The following PCDH17 variants were observed in gnomAD, a reference collection of about 807,000 sequenced individuals.
PCDH17 encodes the protein protocadherin-17.
PCDH17 carries 21 observed loss-of-function variants against 67.7 expected under a neutral mutation model. That is an observed-to-expected ratio of 0.31 (90% CI 0.22 to 0.45). PCDH17 has a LOEUF of 0.45. Among genes scored for constraint, PCDH17 ranks in the 20% least tolerant of loss-of-function variants. PCDH17 has a pLI of 1.00. For synonymous variants in PCDH17, 701 were observed against 656.7 expected (o/e 1.07, Z -1.03); for missense variants, 1,471 against 1,564.8 (o/e 0.94, Z 1.01).
rs531448274 is a variant in PCDH17 at position 57,670,579 on chromosome 13, TA to T, written c.2797+3747del. ...TTAGAATATAATTTAAAAATATATA[TA>T]TTTTTTCCAATTTAAATGATCTCAT... On this transcript the variant is annotated intron_variant, in intron 3 of 3. Transcript: ENST00000377918. 2.2e-3 allele frequency among the ~76,000 whole-genome samples: 331 copies of T among 150,164 alleles called. 1 individual carries two copies. The highest frequency in any genetic ancestry group is 7.7e-3 in the African/African-American group (318 of 41,280).
chr13:57,697,626 C>T (rs894928901), intron 3 of PCDH17, among the ~76,000 whole-genome samples: 1 of 151,602 alleles, frequency 6.6e-6, no homozygotes, highest in Non-Finnish European at 1.5e-5. Context: ...ATAAGAATGA[C>T]TGTCATTATA....
At chr13:57,700,826 C>T (rs1253406481) in intron 3 of PCDH17, among the ~76,000 whole-genome samples, 4 of 152,048 alleles carry the variant, frequency 2.6e-5, no homozygotes, top group African/African-American at 9.7e-5. Context: ...ACAAACACTT[C>T]TGAAATAGGG....
At chr13:57,630,590 A>G (rs1593883072), upstream of PCDH17, among the ~76,000 whole-genome samples, 2 of 152,294 alleles carry the variant, frequency 1.3e-5, no homozygotes, top group South Asian at 4.1e-4. Context: ...TAAATAAACC[A>G]ATACACCTAG....
At chr13:57,700,260 C>T (rs933020680) in intron 3 of PCDH17, among the ~76,000 whole-genome samples, 6 of 151,754 alleles carry the variant, frequency 4.0e-5, no homozygotes, top group Non-Finnish European at 7.4e-5. Context: ...TTTATGATAC[C>T]TAACATTCCT....
intron 3 of PCDH17, among the ~76,000 whole-genome samples, chr13:57,679,314 T>C (rs762540773): frequency 2.0e-5 from 3 of 150,600 alleles, no homozygotes; most frequent in African/African-American, 7.3e-5. Flanking sequence ...CAATATTCTA[T>C]GAAATCATAA....
At chr13:57,694,576 T>C (rs1225896327) in intron 3 of PCDH17, among the ~76,000 whole-genome samples, 5 of 151,274 alleles carry the variant, frequency 3.3e-5, no homozygotes, top group African/African-American at 1.2e-4. Context: ...AATTCAATTA[T>C]TGAATAAACA....
intron 3 of PCDH17, among the ~76,000 whole-genome samples, chr13:57,718,599 A>G (rs1394662252): frequency 1.3e-5 from 2 of 152,058 alleles, no homozygotes; most frequent in Non-Finnish European, 2.9e-5. Context: ...AAGTAAGTCA[A>G]TAATAATCAA....
intron 1 of PCDH17, among the ~76,000 whole-genome samples, chr13:57,663,186 T>C (rs1489409398): frequency 6.6e-6 from 1 of 152,124 alleles, no homozygotes; most frequent in Non-Finnish European, 1.5e-5. Flanking sequence ...GATAAACAAA[T>C]CATCATGTTT....
chr13:57,670,319 A>G (rs1955304433), intron 3 of PCDH17, among the ~76,000 whole-genome samples: 1 of 151,996 alleles, frequency 6.6e-6, no homozygotes, highest in Non-Finnish European at 1.5e-5. Context: ...ATGAGAGATG[A>G]TGACAGCCAT....
At chr13:57,664,540 C>T (rs1955226182) in intron 1 of PCDH17, among the ~76,000 whole-genome samples, 1 of 152,142 alleles carries the variant, frequency 6.6e-6, no homozygotes, top group Non-Finnish European at 1.5e-5. Flanking sequence ...GAATAGGGAT[C>T]CACATCCTAT....
chr13:57,707,795 C>T (rs1347861264), intron 3 of PCDH17, among the ~76,000 whole-genome samples: 1 of 152,034 alleles, frequency 6.6e-6, no homozygotes, highest in Non-Finnish European at 1.5e-5. Flanking sequence ...TAGACACACA[C>T]TTCAATCTCT....
chr13:57,677,955 A>G (rs1955410922), intron 3 of PCDH17, among the ~76,000 whole-genome samples: 2 of 151,748 alleles, frequency 1.3e-5, no homozygotes, highest in Admixed American at 6.6e-5. Flanking sequence ...ATGTAATTAC[A>G]GTTAGAAGAA....
chr13:57,641,601 T>G (rs1489810247), intron 1 of PCDH17, among the ~76,000 whole-genome samples: 6 of 119,000 alleles, frequency 5.0e-5, no homozygotes, highest in Non-Finnish European at 1.1e-4. Context: ...TATATATATA[T>G]ATATATATAT....
intron 3 of PCDH17, among the ~76,000 whole-genome samples, chr13:57,691,776 TC>T (rs1358667151): frequency 6.6e-5 from 10 of 151,256 alleles, no homozygotes; most frequent in African/African-American, 2.4e-4. Flanking sequence ...AAGTGGCCTA[TC>T]TAGGATAATT....
intron 1 of PCDH17, among the ~76,000 whole-genome samples, chr13:57,657,529 A>G (rs1445759825): frequency 1.3e-5 from 2 of 152,216 alleles, no homozygotes; most frequent in African/African-American, 2.4e-5. Context: ...GAACCACACC[A>G]TATATTCTGT....
intron 3 of PCDH17, among the ~76,000 whole-genome samples, chr13:57,669,280 G>A (rs551364751): frequency 1.3e-5 from 2 of 151,846 alleles, no homozygotes; most frequent in Non-Finnish European, 2.9e-5. Context: ...AGATCATTCA[G>A]GAATGTCAAA....
At chr13:57,715,957 A>G (rs17054276) in intron 3 of PCDH17, among the ~76,000 whole-genome samples, 3,675 of 152,114 alleles carry the variant, frequency 0.024, 158 homozygotes, top group African/African-American at 0.084. Context: ...TGCTGGTAAC[A>G]TAAAATACCA....
chr13:57,671,031 G>A (rs1411096849), intron 3 of PCDH17, among the ~76,000 whole-genome samples: 1 of 151,646 alleles, frequency 6.6e-6, no homozygotes, highest in Non-Finnish European at 1.5e-5. Context: ...TAGTGTGATG[G>A]GAAAAAAATC....
intron 3 of PCDH17, among the ~76,000 whole-genome samples, chr13:57,696,568 T>C (rs1955610638): frequency 6.6e-6 from 1 of 151,404 alleles, no homozygotes; most frequent in Non-Finnish European, 1.5e-5. Flanking sequence ...TTAAATGCCT[T>C]AGGATTAATT....
Sources: gnomAD v4.1 joint callset for allele counts (sites outside exome capture counted in the v4.1 genomes callset) on GRCh38, gnomAD v4.1.1 for gene constraint, MANE v1.5 for transcripts, NCBI Gene and HGNC (gene_info 2026-07-23, HGNC 2026-07-21) for gene names.